ELOVL1: variants seen among roughly 807,000 people sequenced by gnomAD.
The protein encoded by ELOVL1 is very long chain fatty acid elongase 1.
A neutral mutation model predicts 37.8 loss-of-function variants in ELOVL1; 10 were observed. The observed-to-expected ratio is 0.26, with a 90% CI of 0.16 to 0.45. ELOVL1 has a LOEUF of 0.45. ELOVL1 is among the 20% of genes least tolerant of loss of function. The pLI is 1.00. For missense variants in ELOVL1, 256 were observed against 352.7 expected (o/e 0.73, Z 2.20); for synonymous variants, 133 against 123.8 (o/e 1.07, Z -0.49).
chr1:43,366,481 G>C (rs1195814968), intron 1 of ELOVL1: 2 of 156,414 alleles, frequency 1.3e-5, no homozygotes, highest in Admixed American at 6.5e-5. Flanking sequence ...GGACCCACCA[G>C]GATTGGGAAA....
At position 43,364,740 on chromosome 1, in the gene ELOVL1, T is replaced by C; in HGVS notation, c.373A>G (p.Thr125Ala). The change falls in exon 5 of 8, where the codon ACA becomes GCA. Residue 125 changes from threonine to alanine, a missense_variant and splice_region_variant. Thr to Ala is a moderately conservative substitution (Grantham distance 58, BLOSUM62 0). Coordinates refer to ENST00000372458, the MANE Select transcript of ELOVL1 (RefSeq NM_022821.4). This position sits in a 1 kb window ranked among gnomAD's most constrained non-coding sequence, Gnocchi z 5.2. Reference sequence around the variant, plus strand: ...TCACATCTCATATAACTACTCACTGTGTCCATCAGCTCAATGAACTTGGAG... The same window carrying C: ...TCACATCTCATATAACTACTCACTGCGTCCATCAGCTCAATGAACTTGGAG... ...LFSKFIELMD[T>A]VIFILRKKDG... 6.2e-7 allele frequency: 1 copy of C among 1,614,242 alleles called. No individual in the cohort carries two copies. Among genetic ancestry groups the C allele is most frequent in the Non-Finnish European group, 8.5e-7 (1 of 1,180,032 alleles).
In ELOVL1 at chr1:43,365,000, C is replaced by T. The variant is rs771471495; in HGVS notation, c.246G>A (p.Met82Ile). ...LSLYIVYEFL[M>I]SGWLSTYTWR... ...AGGTATAGGTGCTCAGCCAGCCCGA[C>T]ATCAGGAACTGGGAAGGGATGTGGA... Residue 82 changes from methionine (M) to isoleucine (I), a missense_variant, in exon 4 of 8, where the codon ATG (methionine) becomes ATA (isoleucine). Physicochemically the swap from Met to Ile is conservative, Grantham distance 10. Transcript: ENST00000372458. The surrounding 1 kb of genome is among the most constrained non-coding windows in gnomAD (Gnocchi z 5.2). 2 of 1,613,536 alleles carry T rather than the reference C, an allele frequency of 1.2e-6. No homozygotes were observed. The highest frequency in any genetic ancestry group is 1.7e-6 in the Non-Finnish European group (2 of 1,179,764).
chr1:43,363,923 G>T lies in ELOVL1; in HGVS notation c.833C>A (p.Ala278Asp). 6.2e-7 allele frequency: 1 copy of T among 1,613,108 alleles called. No individual in the cohort carries two copies. The highest frequency in any genetic ancestry group is 8.5e-7 in the Non-Finnish European group (1 of 1,180,018). Residue 278 changes from alanine (A) to aspartate (D), a missense_variant, in exon 8 of 8, where the codon GCC (alanine) becomes GAC (aspartate). By Grantham distance (126) the Ala-to-Asp change is moderately radical. Around this residue, in one of 3 missense-constraint regions of ELOVL1, gnomAD observed 59 missense variants for 73.3 expected, o/e 0.80. Coordinates refer to ENST00000372458, the MANE Select transcript of ELOVL1 (RefSeq NM_022821.4). The stretch of plus-strand genomic sequence containing the variant: ...CTATCTAGGCCATGCTTCTCAGTTG[G>T]CCTTGACCTTGGCAATACCTGGAGC... ...NGAPGIAKVK[A>D]N
chr1:43,364,195 G>T lies in ELOVL1; in HGVS notation c.619-58C>A, dbSNP rs928041093. 2.5e-6 allele frequency: 4 copies of T among 1,610,052 alleles called. No homozygotes were observed. The highest frequency in any genetic ancestry group is 2.7e-5 in the African/African-American group (2 of 74,870). ...TAGTGAGAGGACTAGAGGGGAAGAGGGGGTAGAGAAAGAGACAAACGTTGA... is the reference window on the plus strand; with the variant it reads ...TAGTGAGAGGACTAGAGGGGAAGAGTGGGTAGAGAAAGAGACAAACGTTGA... On this transcript the variant is annotated intron_variant, in intron 7 of 7. Transcript: ENST00000372458. The surrounding 1 kb of genome is among the most constrained non-coding windows in gnomAD (Gnocchi z 5.2).
intron 1 of ELOVL1, chr1:43,367,029 C>T (rs1018207102): frequency 2.0e-5 from 3 of 152,558 alleles, no homozygotes; most frequent in Non-Finnish European, 4.4e-5. Context: ...TCTGACACCT[C>T]CCTGCCCCGC....
chr1:43,365,248 G>A lies in ELOVL1; in HGVS notation c.175C>T (p.Arg59Cys), dbSNP rs1489954444. Reference sequence around the variant, plus strand: ...AAGTTGTAGACAATCATGAAGCCACGGAGCTGGAAGGGCTTCCGATTAGCC... The same window carrying A: ...AAGTTGTAGACAATCATGAAGCCACAGAGCTGGAAGGGCTTCCGATTAGCC... ...IMANRKPFQL[R>C]GFMIVYNFSL... Residue 59 changes from arginine to cysteine, a missense_variant, in exon 3 of 8, where the codon CGT becomes TGT. By Grantham distance (180) the Arg-to-Cys change is radical. Transcript: ENST00000372458. 5.0e-6 allele frequency: 8 copies of A among 1,614,090 alleles called. No individual in the cohort carries two copies. The highest frequency in any genetic ancestry group is 1.7e-5 in the Admixed American group (1 of 59,996).
In ELOVL1 at chr1:43,365,689, G is replaced by C. The variant is rs1647222134; in HGVS notation, c.-14-66C>G. On this transcript the variant is annotated intron_variant, in intron 1 of 7. Coordinates refer to ENST00000372458, the MANE Select transcript of ELOVL1 (RefSeq NM_022821.4). Reference sequence around the variant, plus strand: ...GCACACCCCCATCCCACAGAGATAAGACACAGAACCAGACAAGACACCTGC... The same window carrying C: ...GCACACCCCCATCCCACAGAGATAACACACAGAACCAGACAAGACACCTGC... 4 of 1,516,816 alleles carry C rather than the reference G, an allele frequency of 2.6e-6. No homozygotes were observed. The Admixed American group carries it at 6.7e-5, about 25-fold the overall frequency. The allele number at this position is 1,516,816 out of a possible 1,614,324, so 94.0% of individuals were successfully genotyped here.
At position 43,363,509 on chromosome 1, in the gene ELOVL1, T is replaced by G. The variant is rs553863205; in HGVS notation, c.*407A>C. On this transcript the variant is annotated 3_prime_UTR_variant, in exon 8 of 8. Transcript: ENST00000372458. ...GACCTTTGGCCCAGAAGCTACTGCT[T>G]CAGTGTGTGGGGTGGAGGAGTGAGA... The G allele has an allele frequency of 3.5e-4, 132 of 375,678 alleles. 4 individuals are homozygous for G. In the South Asian group the frequency reaches 3.6e-3, roughly 10 times the overall value. The allele number at this position is 375,678 out of a possible 1,614,324, so 23.3% of individuals were successfully genotyped here.
chr1:43,365,213 C>T lies in ELOVL1; in HGVS notation c.210G>A (p.Val70=). The change falls in exon 3 of 8, where the codon GTG becomes GTA. Residue 70 remains valine (V), a synonymous_variant. Coordinates refer to ENST00000372458, the MANE Select transcript of ELOVL1 (RefSeq NM_022821.4). ...GFMIVYNFSL[V]ALSLYIVYEF... is the part of the protein sequence containing the mutation. ...CATAGACAATGTAGAGGGAGAGTGC[C>T]ACCAGTGAGAAGTTGTAGACAATCA... The T allele has an allele frequency of 6.2e-7, 1 of 1,614,144 alleles. No homozygotes were observed. The highest frequency in any genetic ancestry group is 1.1e-5 in the South Asian group (1 of 91,086).
chr1:43,366,351 C>A, intron 1 of ELOVL1: 1 of 155,068 alleles, frequency 6.4e-6, no homozygotes, highest in South Asian at 2.0e-4. Context: ...GAGACTCCTG[C>A]CCCGGCGGCT....
At position 43,364,519 on chromosome 1, in the gene ELOVL1, C is replaced by T. The variant is rs967376812; in HGVS notation, c.481+23G>A. 1.2e-5 allele frequency: 20 copies of T among 1,613,958 alleles called. No homozygotes were observed. The highest frequency in any genetic ancestry group is 1.4e-5 in the Non-Finnish European group (17 of 1,180,002). On this transcript the variant is annotated intron_variant, in intron 6 of 7. Transcript: ENST00000372458. The surrounding 1 kb of genome is among the most constrained non-coding windows in gnomAD (Gnocchi z 5.2). ...TCCAGCCTCTGGTGCCCACCCTTTC[C>T]CATAGTGGCCTTCACCACTCACCCG...
intron 2 of ELOVL1, 48 bp from the exon 3 acceptor site, chr1:43,365,424 G>A (rs1469453677): frequency 7.5e-6 from 12 of 1,609,394 alleles, no homozygotes; most frequent in Admixed American, 1.7e-5. Flanking sequence ...GGGTTCGAAG[G>A]GTCTTCATTT....
chr1:43,365,193 A>G lies in ELOVL1; in HGVS notation c.230T>C (p.Val77Ala). Residue 77 changes from valine (V) to alanine (A), a missense_variant, in exon 3 of 8, where the codon GTC becomes GCC. By Grantham distance (64) the Val-to-Ala change is moderately conservative. Transcript: ENST00000372458. Reference protein sequence around the residue: ...FSLVALSLYIVYEFLMSGWLS... With the variant: ...FSLVALSLYIAYEFLMSGWLS... Reference sequence around the variant, plus strand: ...GGCATCCCAGGGGCCCACCTCATAGACAATGTAGAGGGAGAGTGCCACCAG... The same window carrying G: ...GGCATCCCAGGGGCCCACCTCATAGGCAATGTAGAGGGAGAGTGCCACCAG... 1.2e-6 allele frequency: 2 copies of G among 1,614,058 alleles called. No homozygotes were observed. Among genetic ancestry groups the G allele is most frequent in the Non-Finnish European group, 1.7e-6 (2 of 1,179,964 alleles).
rs1228424767 is a variant in ELOVL1, at chr1:43,364,301, G to GT, written c.618+22dup. The GT allele has an allele frequency of 6.2e-7, 1 of 1,613,912 alleles. No homozygotes were observed. The highest frequency in any genetic ancestry group is 2.2e-5 in the East Asian group (1 of 44,876). On this transcript the variant is annotated intron_variant, in intron 7 of 7. Coordinates refer to ENST00000372458, the MANE Select transcript of ELOVL1 (RefSeq NM_022821.4). The surrounding 1 kb of genome is among the most constrained non-coding windows in gnomAD (Gnocchi z 5.2). ...TAGGAATGTGGGGGGATGGTTATAG[G>GT]TAAGTCAGGCCAAGCCCCTCACCAG...
Position 43,365,772 on chromosome 1 carries a change from G to C in ELOVL1, c.-14-149C>G, listed in dbSNP as rs1570489239. On this transcript the variant is annotated intron_variant, in intron 1 of 7. Transcript: ENST00000372458. ...AAGGAAGGAATTACTGGGAACTAGGGGGAGGAGGCAGTTTGGTTGAGGCAT... is the reference window on the plus strand; with the variant it reads ...AAGGAAGGAATTACTGGGAACTAGGCGGAGGAGGCAGTTTGGTTGAGGCAT... 10 of 868,342 alleles carry C rather than the reference G, an allele frequency of 1.2e-5. No homozygotes were observed. In the East Asian group the frequency reaches 2.6e-4, roughly 23 times the overall value. The allele number at this position is 868,342 out of a possible 1,614,324, so 53.8% of individuals were successfully genotyped here.
chr1:43,366,998 T>A (rs921522895), intron 1 of ELOVL1: 1 of 152,106 alleles, frequency 6.6e-6, no homozygotes, highest in African/African-American at 2.4e-5. Context: ...CCTCTGCAGA[T>A]GCCAAGTGAA....
At chr1:43,367,607 G>A (rs1249160194) in intron 1 of ELOVL1, 1 of 152,426 alleles carries the variant, frequency 6.6e-6, no homozygotes, top group Non-Finnish European at 1.5e-5. Flanking sequence ...ATGGATGGAA[G>A]GGAAAAGGTG....
Position 43,364,305 on chromosome 1 carries a change from G to C in ELOVL1, c.618+19C>G. On this transcript the variant is annotated intron_variant, in intron 7 of 7. Transcript: ENST00000372458. The surrounding 1 kb of genome is among the most constrained non-coding windows in gnomAD (Gnocchi z 5.2). ...AATGTGGGGGGATGGTTATAGGTAA[G>C]TCAGGCCAAGCCCCTCACCAGCTGA... 1 of 1,614,018 alleles carries C rather than the reference G, an allele frequency of 6.2e-7. No homozygotes were observed. The highest frequency in any genetic ancestry group is 2.2e-5 in the East Asian group (1 of 44,876).
In ELOVL1 at chr1:43,365,307, A is replaced by C; in HGVS notation, c.116T>G (p.Val39Gly). Reference sequence around the variant, plus strand: ...AGGCCCAAGTGAGAGAACGAAGTACACGTAGGTCAGGAGAATGGAGGTCAT... The same window carrying C: ...AGGCCCAAGTGAGAGAACGAAGTACCCGTAGGTCAGGAGAATGGAGGTCAT... The part of the protein sequence containing the change: ...LLMTSILLTY[V>G]YFVLSLGPRI... Residue 39 changes from valine to glycine, a missense_variant, in exon 3 of 8, where the codon GTG becomes GGG. By Grantham distance (109) the Val-to-Gly change is moderately radical. This residue lies in a region of ELOVL1 where 158 missense variants were observed against 189.4 expected (regional missense o/e 0.83). Transcript: ENST00000372458. 1 of 1,614,054 alleles carries C rather than the reference A, an allele frequency of 6.2e-7. No individual in the cohort carries two copies.
Sources: gnomAD v4.1 joint callset for allele counts on GRCh38, gnomAD v4.1.1 for gene constraint, gnomAD v4.1.1 regional missense constraint, Gnocchi (gnomAD v3.1) non-coding constraint, MANE v1.5 for transcripts, NCBI Gene and HGNC (gene_info 2026-07-23, HGNC 2026-07-21) for gene names.